PSG9: variants seen among roughly 807,000 people sequenced by gnomAD.
PSG9 encodes the protein pregnancy-specific beta-1-glycoprotein 9.
In PSG9, 49 loss-of-function variants were observed where a neutral mutation model predicts 41.9. That is an observed-to-expected ratio of 1.17 (90% CI 0.93 to 1.48). The LOEUF is 1.48. Among genes scored for constraint, PSG9 ranks in the 40% most tolerant of loss-of-function variants. PSG9 has a pLI of 0.00. For missense variants in PSG9, 641 were observed against 520.3 expected (o/e 1.23, Z -2.26); for synonymous variants, 263 against 196.8 (o/e 1.34, Z -2.82).
At chr19:43,259,425 C>T (rs1185238874) in intron 3 of PSG9, 10 of 469,888 alleles carry the variant, frequency 2.1e-5, no homozygotes, top group Non-Finnish European at 3.4e-5. Context: ...GTACCCCTCC[C>T]AGTCCCTCCC....
In PSG9 at chr19:43,266,220, G is replaced by A. The variant is rs190853733; in HGVS notation, c.430+1564C>T. On this transcript the variant is annotated intron_variant, in intron 2 of 5. Coordinates refer to ENST00000270077, the MANE Select transcript of PSG9 (RefSeq NM_002784.5). ...GACCAAGGAGCCCTGAGAACCCTCC[G>A]GTGGCCAAAGAGCTTCAGAGTTACA... 4.2e-3 allele frequency among the ~76,000 whole-genome samples: 638 copies of A among 151,998 alleles called. 10 individuals carry two copies. The highest frequency in any genetic ancestry group is 6.8e-3 in the Middle Eastern group (2 of 292).
At position 43,259,109 on chromosome 19, in the gene PSG9, T is replaced by C. The variant is rs746866140; in HGVS notation, c.736A>G (p.Ile246Val). 4.4e-6 allele frequency: 7 copies of C among 1,590,474 alleles called. No individual in the cohort carries two copies. The highest frequency in any genetic ancestry group is 1.1e-5 in the South Asian group (1 of 89,862). ...TTCTCCCTGGGGTTTAAGTTGTTGA[T>C]GGTGATGTAGGGGATGGGCAGCTTC... ...LPKLPIPYIT[I>V]NNLNPRENKD... The change falls in exon 4 of 6, where the codon ATC (isoleucine) becomes GTC (valine). Residue 246 changes from isoleucine (I) to valine (V), a missense_variant. Physicochemically the swap from Ile to Val is conservative, Grantham distance 29. Coordinates refer to ENST00000270077, the MANE Select transcript of PSG9 (RefSeq NM_002784.5).
chr19:43,262,283 A>C, intron 2 of PSG9, 145 bp from the exon 3 acceptor site: 2 of 1,456,734 alleles, frequency 1.4e-6, no homozygotes, highest in South Asian at 2.8e-5. Context: ...TACAAGACAG[A>C]TGCATGGCAA....
intron 2 of PSG9, among the ~76,000 whole-genome samples, chr19:43,264,924 A>G (rs551202551): frequency 6.6e-6 from 1 of 152,234 alleles, no homozygotes; most frequent in South Asian, 2.1e-4. Flanking sequence ...TGGAGTCACA[A>G]ATGAAATGGG....
chr19:43,269,220 G>T, intron 1 of PSG9, 148 bp downstream of exon 1: 2 of 1,382,974 alleles, frequency 1.4e-6, no homozygotes, highest in Non-Finnish European at 9.9e-7. Flanking sequence ...TGGCCGGACT[G>T]ATCTTGAACT....
rs149561049 is a variant in PSG9 at position 43,263,316 on chromosome 19, G to A, written c.431-1178C>T. On this transcript the variant is annotated intron_variant, in intron 2 of 5. Coordinates refer to ENST00000270077, the MANE Select transcript of PSG9 (RefSeq NM_002784.5). Reference sequence around the variant, plus strand: ...AGATAAAGTGCTCCTTATTCAGAAAGCTTAAAACAAAGTGTTTTGGATTTC... The same window carrying A: ...AGATAAAGTGCTCCTTATTCAGAAAACTTAAAACAAAGTGTTTTGGATTTC... Among the ~76,000 whole-genome samples the A allele has an allele frequency of 6.4e-3, 976 of 152,202 alleles. 17 individuals carry two copies. The highest frequency in any genetic ancestry group is 0.023 in the African/African-American group (938 of 41,508).
Position 43,256,778 on chromosome 19 carries a change from G to A in PSG9, c.1243+1424C>T, listed in dbSNP as rs1320279231. The stretch of plus-strand genomic sequence containing the variant: ...GGGAATGGGAAATGTTATAGCCACT[G>A]TAAAAAGTGGTGTGGCTGTTTCTCA... On this transcript the variant is annotated intron_variant, in intron 5 of 5. Coordinates refer to ENST00000270077, the MANE Select transcript of PSG9 (RefSeq NM_002784.5). Among the ~76,000 whole-genome samples the A allele has an allele frequency of 9.5e-5, 14 of 146,836 alleles. 1 individual carries two copies. Among genetic ancestry groups the A allele is most frequent in the Non-Finnish European group, 1.8e-4 (12 of 67,430 alleles).
At chr19:43,261,449 C>T (rs1968705649) in intron 3 of PSG9, among the ~76,000 whole-genome samples, 1 of 152,072 alleles carries the variant, frequency 6.6e-6, no homozygotes, top group Non-Finnish European at 1.5e-5. Flanking sequence ...ATGGTGGGTG[C>T]ATCCAGGCCA....
intron 2 of PSG9, among the ~76,000 whole-genome samples, chr19:43,267,009 A>G (rs1307449075): frequency 6.6e-6 from 1 of 152,166 alleles, no homozygotes; most frequent in Non-Finnish European, 1.5e-5. Flanking sequence ...AGCATTTATT[A>G]TTAATTTGCT....
At chr19:43,259,163 C>T in intron 3 of PSG9, 28 bp from the exon 4 acceptor site, 1 of 1,584,444 alleles carries the variant, frequency 6.3e-7, no homozygotes, top group Non-Finnish European at 8.5e-7. Flanking sequence ...AGAAGATTGT[C>T]CTGTGTGGCA....
Position 43,253,411 on chromosome 19 carries a change from T to C in PSG9, c.*198A>G, listed in dbSNP as rs1312901450. Reference sequence around the variant, plus strand: ...AATTTTTGTTTACAAAAGTATACTTTACCAATTGCTGAAGAAAAAAAGTTC... The same window carrying C: ...AATTTTTGTTTACAAAAGTATACTTCACCAATTGCTGAAGAAAAAAAGTTC... On this transcript the variant is annotated 3_prime_UTR_variant, in exon 6 of 6. Transcript: ENST00000270077. 2.4e-6 allele frequency: 1 copy of C among 423,484 alleles called. No homozygotes were observed. Among genetic ancestry groups the C allele is most frequent in the Non-Finnish European group, 4.1e-6 (1 of 242,294 alleles). 26.2% of individuals were successfully genotyped at this position (423,484 alleles called of 1,614,324 possible). A position where few individuals can be genotyped will look rare whatever the true frequency, so the allele number is the denominator to read the frequency against.
At chr19:43,255,105 C>CAAAA (rs35986995) in intron 5 of PSG9, among the ~76,000 whole-genome samples, 2 of 82,230 alleles carry the variant, frequency 2.4e-5, no homozygotes, top group Non-Finnish European at 2.3e-5. Flanking sequence ...CTCTCTCTTC[C>CAAAA]AAAAAAAAAA....
intron 2 of PSG9, among the ~76,000 whole-genome samples, chr19:43,265,180 C>T (rs541528794): frequency 3.0e-4 from 46 of 152,260 alleles, no homozygotes; most frequent in Admixed American, 1.4e-3. Flanking sequence ...AACACCCTTA[C>T]TTTGCCCAGG....
chr19:43,259,809 A>G (rs1458211184), intron 3 of PSG9: 1 of 148,088 alleles, frequency 6.8e-6, no homozygotes, highest in Non-Finnish European at 1.5e-5. Flanking sequence ...AATGATCTAG[A>G]AAGAGTGAAG....
At chr19:43,269,281 T>C in intron 1 of PSG9, 87 bp downstream of exon 1, 3 of 1,601,932 alleles carry the variant, frequency 1.9e-6, no homozygotes, top group East Asian at 2.2e-5. Flanking sequence ...TGGCTTCTTT[T>C]ATTTTACAAC....
chr19:43,263,414 C>G (rs1599833915), intron 2 of PSG9, among the ~76,000 whole-genome samples: 1 of 152,044 alleles, frequency 6.6e-6, no homozygotes. Flanking sequence ...AATTTAAAAT[C>G]CACAATGCGC....
In PSG9 at chr19:43,265,365, C is replaced by T. The variant is rs190020510; in HGVS notation, c.430+2419G>A. 1.5e-3 allele frequency among the ~76,000 whole-genome samples: 234 copies of T among 152,208 alleles called. 1 individual carries two copies. The highest frequency in any genetic ancestry group is 4.9e-3 in the African/African-American group (203 of 41,516). On this transcript the variant is annotated intron_variant, in intron 2 of 5. Coordinates refer to ENST00000270077, the MANE Select transcript of PSG9 (RefSeq NM_002784.5). ...TATAGATAACATCACTATTGTAGAA[C>T]GTGAGATTGGTCTTTTGAGATGTTT... is the stretch of plus-strand genomic sequence containing the variant.
At chr19:43,264,371 T>G (rs2122545219) in intron 2 of PSG9, among the ~76,000 whole-genome samples, 1 of 152,296 alleles carries the variant, frequency 6.6e-6, no homozygotes, top group African/African-American at 2.4e-5. Context: ...TTTGGAAGTT[T>G]CTATTGACAC....
chr19:43,261,498 A>T (rs1968708621), intron 3 of PSG9, among the ~76,000 whole-genome samples: 2 of 152,164 alleles, frequency 1.3e-5, no homozygotes, highest in African/African-American at 4.8e-5. Context: ...CGATATTGTC[A>T]GAGGGAAGGG....
Sources: allele counts gnomAD v4.1 joint callset (sites outside exome capture counted in the v4.1 genomes callset), GRCh38; gene constraint gnomAD v4.1.1; transcripts MANE v1.5; gene names NCBI Gene and HGNC (gene_info 2026-07-23, HGNC 2026-07-21).